PIGN: variants seen among roughly 807,000 people sequenced by gnomAD.
The protein encoded by PIGN is phosphatidylinositol glycan anchor biosynthesis class N.
PIGN carries 117 observed loss-of-function variants against 125.4 expected under a neutral mutation model. The ratio of observed to expected loss-of-function variants is 0.93; its 90% CI spans 0.80 to 1.09. The LOEUF is 1.09. PIGN is among the 50% of genes least tolerant of loss of function. PIGN has a pLI of 0.00. For missense variants in PIGN, 1,075 were observed against 1,094.9 expected, an observed-to-expected ratio of 0.98 and a Z score of 0.26; for synonymous variants, 392 against 377.8, an observed-to-expected ratio of 1.04 and a Z score of -0.44.
chr18:62,148,067 T>G, intron 8 of PIGN, 147 bp downstream of exon 8: 1 of 539,558 alleles, frequency 1.9e-6, no homozygotes, highest in Non-Finnish European at 3.1e-6. Flanking sequence ...ATTGGAAATC[T>G]CATATAATTG....
At chr18:62,037,100 A>G (rs1024673062), downstream of PIGN, among the ~76,000 whole-genome samples, 3 of 152,196 alleles carry the variant, frequency 2.0e-5, no homozygotes, top group Non-Finnish European at 4.4e-5. Flanking sequence ...TGCTGTCATC[A>G]TCTATGTAAT....
chr18:62,077,204 C>A (rs1048531384), intron 28 of PIGN, among the ~76,000 whole-genome samples: 39 of 152,206 alleles, frequency 2.6e-4, no homozygotes, highest in African/African-American at 9.4e-4. Context: ...ATGGCGAAAA[C>A]CCGGCTCTAC....
At chr18:62,104,381 A>T (rs2034559225) in intron 20 of PIGN, among the ~76,000 whole-genome samples, 2 of 152,206 alleles carry the variant, frequency 1.3e-5, no homozygotes, top group African/African-American at 4.8e-5. Context: ...AGACTGACAA[A>T]GGGAAGGAAA....
At chr18:62,142,282 C>A (rs998257075) in intron 11 of PIGN, among the ~76,000 whole-genome samples, 3 of 152,152 alleles carry the variant, frequency 2.0e-5, no homozygotes, top group Admixed American at 2.0e-4. Context: ...CAAAGAGATT[C>A]TCATTTGATG....
intron 16 of PIGN, among the ~76,000 whole-genome samples, chr18:62,110,922 G>A (rs2034854193): frequency 6.8e-6 from 1 of 147,928 alleles, no homozygotes; most frequent in African/African-American, 2.5e-5. Flanking sequence ...TATTTCTCTG[G>A]TTTTTATTAA....
chr18:62,018,323 G>A (rs2030007682), intron 23 of PIGN, among the ~76,000 whole-genome samples: 1 of 152,134 alleles, frequency 6.6e-6, no homozygotes. Flanking sequence ...GCCTTCACCA[G>A]CACTGAGGCG....
At chr18:62,053,950 A>G (rs924034635) in intron 30 of PIGN, among the ~76,000 whole-genome samples, 1 of 152,228 alleles carries the variant, frequency 6.6e-6, no homozygotes, top group Non-Finnish European at 1.5e-5. Flanking sequence ...GATAACAGAT[A>G]CATTACCAAA....
chr18:62,132,560 A>C (rs998869830), intron 14 of PIGN, among the ~76,000 whole-genome samples: 5 of 152,144 alleles, frequency 3.3e-5, no homozygotes, highest in African/African-American at 1.2e-4. Context: ...TTCTGATTAC[A>C]GTCAGGCACA....
At chr18:62,149,377 A>G (rs752992143) in intron 7 of PIGN, among the ~76,000 whole-genome samples, 1 of 152,250 alleles carries the variant, frequency 6.6e-6, no homozygotes, top group Non-Finnish European at 1.5e-5. Flanking sequence ...GATAAAAACA[A>G]TAAGCTCTTT....
At chr18:62,090,071 A>T (rs2033886533) in intron 24 of PIGN, among the ~76,000 whole-genome samples, 1 of 152,182 alleles carries the variant, frequency 6.6e-6, no homozygotes, top group African/African-American at 2.4e-5. Flanking sequence ...TAGAAACGTA[A>T]ATGTCACCTT....
At chr18:62,072,554 A>C (rs1473614074) in intron 30 of PIGN, 119 bp downstream of exon 30, 5 of 756,020 alleles carry the variant, frequency 6.6e-6, no homozygotes, top group Non-Finnish European at 8.9e-6. Context: ...TGTAGGCTAC[A>C]CCATCTAGGT....
At chr18:62,048,561 G>A (rs960671031) in intron 30 of PIGN, among the ~76,000 whole-genome samples, 3 of 151,324 alleles carry the variant, frequency 2.0e-5, no homozygotes, top group African/African-American at 7.3e-5. Flanking sequence ...AAAAATAACT[G>A]TCAACCCAGA....
At chr18:62,115,421 A>G (rs1292476767) in intron 14 of PIGN, among the ~76,000 whole-genome samples, 1 of 152,330 alleles carries the variant, frequency 6.6e-6, no homozygotes, top group Admixed American at 6.5e-5. Flanking sequence ...TAAAACCTAC[A>G]TGTCTAAAAT....
In PIGN at chr18:62,145,976, A is replaced by G. The variant is rs1311950306; in HGVS notation, c.855T>C (p.Thr285=). The change falls in exon 10 of 31, where the codon ACT becomes ACC. Residue 285 remains threonine (T), a synonymous_variant. Coordinates refer to ENST00000640252, the MANE Select transcript of PIGN (RefSeq NM_176787.5). ...HPSETLTPLV[T]WGAGIKYPQR... is the part of the protein sequence containing the mutation. Reference sequence around the variant, plus strand: ...GGGGATACTTGATTCCAGCTCCCCAAGTGACTAAAGGAGTTAAAGTCTCTG... The same window carrying G: ...GGGGATACTTGATTCCAGCTCCCCAGGTGACTAAAGGAGTTAAAGTCTCTG... 1.2e-6 allele frequency: 2 copies of G among 1,609,618 alleles called. No homozygotes were observed. The highest frequency in any genetic ancestry group is 1.7e-6 in the Non-Finnish European group (2 of 1,177,084).
intron 30 of PIGN, among the ~76,000 whole-genome samples, chr18:62,060,009 A>C (rs1035524385): frequency 6.6e-6 from 1 of 152,226 alleles, no homozygotes; most frequent in African/African-American, 2.4e-5. Flanking sequence ...GTCTGTCTAT[A>C]AAAGGCATTC....
intron 23 of PIGN, among the ~76,000 whole-genome samples, chr18:62,027,504 A>G (rs535400581): frequency 3.0e-4 from 46 of 152,344 alleles, no homozygotes; most frequent in African/African-American, 1.1e-3. Context: ...GACAACGCGA[A>G]GCAAAAGCGG....
intron 30 of PIGN, among the ~76,000 whole-genome samples, chr18:62,059,959 G>A (rs1289217861): frequency 6.6e-6 from 1 of 152,174 alleles, no homozygotes; most frequent in African/African-American, 2.4e-5. Context: ...AAAACGGTTT[G>A]TAAAACCAGT....
Position 62,093,915 on chromosome 18 carries a change from CT to C in PIGN, c.2180+1932del, listed in dbSNP as rs571443706. On this transcript the variant is annotated intron_variant, in intron 23 of 30. Coordinates refer to ENST00000640252, the MANE Select transcript of PIGN (RefSeq NM_176787.5). ...CTGAACTGTGCTATTTCAAGATACT[CT>C]TTTTAATTTTTTTTGGCAAAGCTAG... is the stretch of plus-strand genomic sequence containing the variant. Among the ~76,000 whole-genome samples the C allele has an allele frequency of 3.2e-3, 480 of 152,040 alleles. 3 individuals are homozygous for C. The highest frequency in any genetic ancestry group is 7.3e-3 in the Admixed American group (111 of 15,266).
intron 14 of PIGN, among the ~76,000 whole-genome samples, chr18:62,126,815 A>T (rs988030516): frequency 2.0e-5 from 3 of 152,220 alleles, no homozygotes; most frequent in Non-Finnish European, 4.4e-5. Flanking sequence ...TTCTACAGAC[A>T]GCTCAAACTC....
Sources: gnomAD v4.1 joint callset for allele counts (sites outside exome capture counted in the v4.1 genomes callset) on GRCh38, gnomAD v4.1.1 for gene constraint, MANE v1.5 for transcripts, NCBI Gene and HGNC (gene_info 2026-07-23, HGNC 2026-07-21) for gene names.